Variants in XKR4 observed in about 807,000 individuals in gnomAD.
XKR4 encodes XK-related protein 4.
XKR4 carries 12 observed loss-of-function variants against 53.9 expected under a neutral mutation model. That is an observed-to-expected ratio of 0.22 (90% CI 0.14 to 0.36). The LOEUF (loss-of-function observed/expected upper bound fraction) is 0.36. Ranked by LOEUF, XKR4 falls within the 10% of genes least tolerant of loss-of-function variation. The pLI is 1.00. For synonymous variants in XKR4, 354 were observed against 362.4 expected (o/e 0.98, Z 0.26); for missense variants, 799 against 859.5 (o/e 0.93, Z 0.88).
At chr8:55,214,153 G>A (rs901652699) in intron 1 of XKR4, among the ~76,000 whole-genome samples, 19 of 151,930 alleles carry the variant, frequency 1.3e-4, no homozygotes, top group African/African-American at 3.9e-4. Flanking sequence ...ATGAGCCACC[G>A]CACCCAGCTG....
rs535263469 is a variant in XKR4, at chr8:55,541,349, C to T, written c.*17122C>T. 2.0e-5 allele frequency: 3 copies of T among 152,078 alleles called. No individual in the cohort carries two copies. Among genetic ancestry groups the T allele is most frequent in the Non-Finnish European group, 4.4e-5 (3 of 68,022 alleles). 9.4% of individuals were successfully genotyped at this position (152,078 alleles called of 1,614,324 possible). ...ATCAAGATAAGCTGCTCTATATTTG[C>T]TTAATTTGCCTTAAACATTTTGTGC... On this transcript the variant is annotated 3_prime_UTR_variant, in exon 3 of 3. Transcript: ENST00000327381.
intron 1 of XKR4, among the ~76,000 whole-genome samples, chr8:55,232,660 C>G (rs1818060050): frequency 6.6e-6 from 1 of 151,930 alleles, no homozygotes. Flanking sequence ...ACCCATTTTT[C>G]AAAAATTACT....
chr8:55,469,322 T>C (rs1805836800), intron 2 of XKR4, among the ~76,000 whole-genome samples: 1 of 152,142 alleles, frequency 6.6e-6, no homozygotes, highest in African/African-American at 2.4e-5. Flanking sequence ...CCCTCTACAA[T>C]ATGTCTCAGT....
At chr8:55,109,241 C>A (rs1416086855) in intron 1 of XKR4, among the ~76,000 whole-genome samples, 1 of 152,178 alleles carries the variant, frequency 6.6e-6, no homozygotes, top group Non-Finnish European at 1.5e-5. Context: ...GGTAGAGAGA[C>A]TAACTCTCAT....
At chr8:55,171,506 C>T (rs1050461638) in intron 1 of XKR4, among the ~76,000 whole-genome samples, 1 of 152,186 alleles carries the variant, frequency 6.6e-6, no homozygotes, top group Non-Finnish European at 1.5e-5. Flanking sequence ...TGGTGACCAG[C>T]TTAGGTCTCC....
At position 55,262,074 on chromosome 8, in the gene XKR4, A is replaced by G. The variant is rs75216299; in HGVS notation, c.807-95604A>G. The stretch of plus-strand genomic sequence containing the variant: ...AGATATCATCTGAAAACTGCCTTAG[A>G]TAAGTTTTAAAATGAGTCTGACTTT... On this transcript the variant is annotated intron_variant, in intron 1 of 2. Coordinates refer to ENST00000327381, the MANE Select transcript of XKR4 (RefSeq NM_052898.2). 9.6e-3 allele frequency among the ~76,000 whole-genome samples: 1,462 copies of G among 152,282 alleles called. 19 individuals carry two copies. The highest frequency in any genetic ancestry group is 0.031 in the Middle Eastern group (9 of 294).
intron 1 of XKR4, among the ~76,000 whole-genome samples, chr8:55,189,530 T>G (rs1817417587): frequency 6.6e-6 from 1 of 152,204 alleles, no homozygotes; most frequent in Non-Finnish European, 1.5e-5. Context: ...GTATCATGTG[T>G]TATTGTACTG....
chr8:55,303,725 G>A (rs1288051969), intron 1 of XKR4, among the ~76,000 whole-genome samples: 1 of 152,174 alleles, frequency 6.6e-6, no homozygotes, highest in Non-Finnish European at 1.5e-5. Flanking sequence ...TTTAGTCTTG[G>A]GAGGGTGTAT....
chr8:55,162,544 G>T (rs1816999594), intron 1 of XKR4, among the ~76,000 whole-genome samples: 1 of 152,168 alleles, frequency 6.6e-6, no homozygotes, highest in African/African-American at 2.4e-5. Context: ...GTATCTAAGT[G>T]CTTTACTCAA....
At chr8:55,199,838 G>A (rs1444956336) in intron 1 of XKR4, among the ~76,000 whole-genome samples, 2 of 152,156 alleles carry the variant, frequency 1.3e-5, no homozygotes, top group Non-Finnish European at 2.9e-5. Context: ...CACTTTATTT[G>A]CATTGTTTTT....
intron 1 of XKR4, among the ~76,000 whole-genome samples, chr8:55,226,573 G>C (rs1036312454): frequency 6.6e-6 from 1 of 152,006 alleles, no homozygotes; most frequent in Non-Finnish European, 1.5e-5. Flanking sequence ...CCATTTTTTA[G>C]AAATCCCTCC....
chr8:55,500,908 C>A (rs2622571), intron 2 of XKR4, among the ~76,000 whole-genome samples: 25,229 of 152,188 alleles, frequency 0.17, 2,632 homozygotes, highest in East Asian at 0.24. Context: ...ATTATACACA[C>A]ATGCCTACAA....
intron 2 of XKR4, among the ~76,000 whole-genome samples, chr8:55,509,727 G>A (rs1269513536): frequency 6.6e-6 from 1 of 152,136 alleles, no homozygotes; most frequent in Non-Finnish European, 1.5e-5. Context: ...GCTATCACAC[G>A]CCAAGTTTCT....
At chr8:55,433,267 A>G (rs1805127344) in intron 2 of XKR4, among the ~76,000 whole-genome samples, 1 of 152,266 alleles carries the variant, frequency 6.6e-6, no homozygotes, top group African/African-American at 2.4e-5. Flanking sequence ...CCTTGGAACT[A>G]TAACACACCA....
rs190769173 is a variant in XKR4 at position 55,194,265 on chromosome 8, C to T, written c.806+90971C>T. ...ATGATATGTCTTTTAGCCATGGAGA[C>T]GTTCCTGAAATATTTTTGTCAGCTC... On this transcript the variant is annotated intron_variant, in intron 1 of 2. Coordinates refer to ENST00000327381, the MANE Select transcript of XKR4 (RefSeq NM_052898.2). 1.1e-4 allele frequency among the ~76,000 whole-genome samples: 16 copies of T among 152,334 alleles called. No homozygotes were observed. The East Asian group carries it at 2.9e-3, about 28-fold the overall frequency.
intron 1 of XKR4, among the ~76,000 whole-genome samples, chr8:55,277,029 G>T (rs1166794679): frequency 1.3e-5 from 2 of 152,192 alleles, no homozygotes; most frequent in Non-Finnish European, 2.9e-5. Context: ...GTGTATAGCT[G>T]AGTCTGACAG....
rs1806872268 is a variant in XKR4, at chr8:55,525,563, T to C, written c.*1336T>C. ...GTAAAGTCGCACTCTTACAACAAGC[T>C]TCTGGGTTTTAAATACCTCCGTACA... On this transcript the variant is annotated 3_prime_UTR_variant, in exon 3 of 3. Coordinates refer to ENST00000327381, the MANE Select transcript of XKR4 (RefSeq NM_052898.2). 2.6e-5 allele frequency: 4 copies of C among 152,610 alleles called. No individual in the cohort carries two copies. 9.5% of individuals were successfully genotyped at this position (152,610 alleles called of 1,614,324 possible).
chr8:55,204,558 C>G (rs1043722064), intron 1 of XKR4, among the ~76,000 whole-genome samples: 5 of 152,062 alleles, frequency 3.3e-5, no homozygotes. Flanking sequence ...CCAGTTTATA[C>G]CCACGTAGCC....
At chr8:55,352,555 G>A (rs114058682) in intron 1 of XKR4, among the ~76,000 whole-genome samples, 21 of 152,322 alleles carry the variant, frequency 1.4e-4, no homozygotes, top group African/African-American at 5.1e-4. Flanking sequence ...TAGAAGCAAT[G>A]GGAAGAATCC....
Sources: allele counts gnomAD v4.1 joint callset (sites outside exome capture counted in the v4.1 genomes callset), GRCh38; gene constraint gnomAD v4.1.1; transcripts MANE v1.5; gene names NCBI Gene and HGNC (gene_info 2026-07-23, HGNC 2026-07-21).